SIK3: variants seen among roughly 807,000 people sequenced by gnomAD.
The protein encoded by SIK3 is SIK family kinase 3.
SIK3 carries 28 observed loss-of-function variants against 144.2 expected under a neutral mutation model. The observed-to-expected ratio is 0.19, with a 90% CI of 0.14 to 0.27. The LOEUF is 0.27. SIK3 is among the 10% of genes least tolerant of loss of function. The probability of loss-of-function intolerance (pLI) is 1.00; values close to 1 mark genes in which losing one functional copy is unlikely to be tolerated. For synonymous variants in SIK3, 686 were observed against 676.3 expected, an observed-to-expected ratio of 1.01 and a Z score of -0.22; for missense variants, 1,319 against 1,776.0, an observed-to-expected ratio of 0.74 and a Z score of 4.62.
chr11:116,944,440 C>T lies in SIK3; in HGVS notation c.454+9604G>A, dbSNP rs1440221418. On this transcript the variant is annotated intron_variant, in intron 3 of 24. Coordinates refer to ENST00000445177, the MANE Select transcript of SIK3 (RefSeq NM_001366686.3). The stretch of plus-strand genomic sequence containing the variant: ...CTTTGGGTCACGAGCATCAGTTGAC[C>T]GAGACACACAGATCAATCATGTGAG... 2.0e-5 allele frequency among the ~76,000 whole-genome samples: 3 copies of T among 147,466 alleles called. 1 individual carries two copies. The highest frequency in any genetic ancestry group is 4.5e-5 in the Non-Finnish European group (3 of 67,140).
chr11:117,030,053 G>C (rs182550879), intron 1 of SIK3, among the ~76,000 whole-genome samples: 1 of 152,262 alleles, frequency 6.6e-6, no homozygotes, highest in Non-Finnish European at 1.5e-5. Context: ...GAACAGAGTT[G>C]TAGGAGGAGA....
At position 116,846,341 on chromosome 11, in the gene SIK3, G is replaced by A; in HGVS notation, c.*13+42C>T. The A allele has an allele frequency of 1.3e-6, 2 of 1,591,870 alleles. No individual in the cohort carries two copies. Among genetic ancestry groups the A allele is most frequent in the Non-Finnish European group, 8.6e-7 (1 of 1,166,672 alleles). On this transcript the variant is annotated intron_variant, in intron 24 of 24. Transcript: ENST00000445177. The surrounding 1 kb of genome is among the most constrained non-coding windows in gnomAD (Gnocchi z 4.1). ...CCTGATGGGATTGGGAGCAGGCACTGGGCCACAGGGCTGGTTTGGCTCTGG... is the reference window on the plus strand; with the variant it reads ...CCTGATGGGATTGGGAGCAGGCACTAGGCCACAGGGCTGGTTTGGCTCTGG...
chr11:116,863,815 A>G lies in SIK3; in HGVS notation c.1956T>C (p.Ser652=), dbSNP rs749198432. Residue 652 remains serine, a synonymous_variant, in exon 16 of 25, where the codon TCT becomes TCC. Transcript: ENST00000445177. ...GCAGAGTGTTGGAGTCCTTGTAGGT[A>G]GAGCTGAATATATGGGAAGAGAAGG... ...PPHLVPDQHR[S]TYKDSNTLHL... 7.5e-6 allele frequency: 12 copies of G among 1,606,642 alleles called. No individual in the cohort carries two copies. The highest frequency in any genetic ancestry group is 1.0e-5 in the Non-Finnish European group (12 of 1,175,922).
intron 1 of SIK3, among the ~76,000 whole-genome samples, chr11:116,993,724 C>G (rs1950569966): frequency 6.6e-6 from 1 of 152,108 alleles, no homozygotes. Context: ...GCCTAGGAAA[C>G]CAAACAGTAA....
chr11:117,003,221 G>A (rs986904793), intron 1 of SIK3, among the ~76,000 whole-genome samples: 1 of 152,194 alleles, frequency 6.6e-6, no homozygotes, highest in Non-Finnish European at 1.5e-5. Context: ...ACACTACTCA[G>A]AATCTGACCG....
chr11:116,978,564 T>C (rs924339316), intron 1 of SIK3, among the ~76,000 whole-genome samples: 1 of 152,152 alleles, frequency 6.6e-6, no homozygotes, highest in Non-Finnish European at 1.5e-5. Flanking sequence ...AGTGGAGTGA[T>C]ATGAGCATAA....
At chr11:116,946,286 T>C (rs957765525) in intron 3 of SIK3, among the ~76,000 whole-genome samples, 1 of 152,212 alleles carries the variant, frequency 6.6e-6, no homozygotes, top group Non-Finnish European at 1.5e-5. Context: ...TTCTGCAAGC[T>C]AATAACTCAA....
Position 116,867,819 on chromosome 11 carries a change from T to G in SIK3, c.1952+127A>C. ...CTTACTGCAAGGAGCTGAGAAGATG[T>G]GAGTTCAGGATGACAGCTGGCTTCT... On this transcript the variant is annotated intron_variant, in intron 15 of 24. Coordinates refer to ENST00000445177, the MANE Select transcript of SIK3 (RefSeq NM_001366686.3). This position sits in a 1 kb window ranked among gnomAD's most constrained non-coding sequence, Gnocchi z 4.1. The G allele has an allele frequency of 8.2e-6, 8 of 971,632 alleles. No individual in the cohort carries two copies. Among genetic ancestry groups the G allele is most frequent in the Non-Finnish European group, 1.2e-5 (8 of 678,760 alleles). 60.2% of individuals were successfully genotyped at this position (971,632 alleles called of 1,614,324 possible).
chr11:117,093,487 C>G (rs1367625463), intron 1 of SIK3, among the ~76,000 whole-genome samples: 2 of 152,180 alleles, frequency 1.3e-5, no homozygotes, highest in Non-Finnish European at 2.9e-5. Flanking sequence ...CTTGCAGAAA[C>G]ATTTCTTAAA....
intron 1 of SIK3, among the ~76,000 whole-genome samples, chr11:117,033,550 C>CA (rs914499922): frequency 8.0e-5 from 12 of 149,300 alleles, no homozygotes; most frequent in South Asian, 2.1e-4. Context: ...AAATACAAAA[C>CA]AAAAAAAAAT....
Position 117,012,942 on chromosome 11 carries a change from C to G in SIK3, c.274-55878G>C, listed in dbSNP as rs997659882. 4.7e-5 allele frequency among the ~76,000 whole-genome samples: 7 copies of G among 147,962 alleles called. No individual in the cohort carries two copies. The South Asian group carries it at 1.5e-3, about 31-fold the overall frequency. The stretch of plus-strand genomic sequence containing the variant: ...TCTCGGCTCACTGCAAGCTCTGCCT[C>G]CCGGGTTCACACCATTATCCTGCCT... On this transcript the variant is annotated intron_variant, in intron 1 of 24. Coordinates refer to ENST00000445177, the MANE Select transcript of SIK3 (RefSeq NM_001366686.3).
At chr11:117,029,057 C>T (rs892432487) in intron 1 of SIK3, among the ~76,000 whole-genome samples, 2 of 152,044 alleles carry the variant, frequency 1.3e-5, no homozygotes, top group Non-Finnish European at 2.9e-5. Flanking sequence ...TACAGGCACC[C>T]GCCACTACGC....
chr11:116,905,583 T>C (rs915889238), intron 4 of SIK3, among the ~76,000 whole-genome samples: 1 of 152,230 alleles, frequency 6.6e-6, no homozygotes, highest in Non-Finnish European at 1.5e-5. Context: ...CGTACAAGGA[T>C]TCCAATTTCT....
chr11:117,034,892 C>T (rs1262250256), intron 1 of SIK3, among the ~76,000 whole-genome samples: 2 of 152,184 alleles, frequency 1.3e-5, no homozygotes, highest in African/African-American at 2.4e-5. Flanking sequence ...ATTCCTTTAG[C>T]TTAATTGTAA....
At chr11:116,945,800 T>G (rs1382950023) in intron 3 of SIK3, among the ~76,000 whole-genome samples, 1 of 152,170 alleles carries the variant, frequency 6.6e-6, no homozygotes, top group Non-Finnish European at 1.5e-5. Context: ...ACAAGTTAAC[T>G]GTTTCCTATC....
intron 1 of SIK3, among the ~76,000 whole-genome samples, chr11:117,081,897 G>A (rs1954806767): frequency 1.3e-5 from 2 of 152,122 alleles, no homozygotes; most frequent in South Asian, 4.1e-4. Flanking sequence ...TATCCGATAA[G>A]GGACTTGTAT....
chr11:116,875,087 T>C lies in SIK3; in HGVS notation c.1427+71A>G, dbSNP rs552098846. 24 of 1,193,336 alleles carry C rather than the reference T, an allele frequency of 2.0e-5. No homozygotes were observed. The South Asian group carries it at 2.9e-4, about 15-fold the overall frequency. 73.9% of individuals were successfully genotyped at this position (1,193,336 alleles called of 1,614,324 possible). A position where few individuals can be genotyped will look rare whatever the true frequency, so the allele number is the denominator to read the frequency against. On this transcript the variant is annotated intron_variant, in intron 11 of 24. Transcript: ENST00000445177. ...ATACAATGTAGTAGGAAATGTGCCA[T>C]GGTAGACACTGAAAGTCAGGTGACA...
chr11:117,005,100 G>A (rs1315719423), intron 1 of SIK3, among the ~76,000 whole-genome samples: 1 of 152,036 alleles, frequency 6.6e-6, no homozygotes, highest in Non-Finnish European at 1.5e-5. Flanking sequence ...TTAAAAGACT[G>A]TATCAATGAA....
At chr11:116,860,474 T>C (rs998669326) in intron 19 of SIK3, among the ~76,000 whole-genome samples, 1 of 152,142 alleles carries the variant, frequency 6.6e-6, no homozygotes, top group African/African-American at 2.4e-5. Flanking sequence ...ATTATACTTA[T>C]CTTCACTCCC....
Sources: allele counts gnomAD v4.1 joint callset (sites outside exome capture counted in the v4.1 genomes callset), GRCh38; gene constraint gnomAD v4.1.1; non-coding constraint Gnocchi (gnomAD v3.1); transcripts MANE v1.5; gene names NCBI Gene and HGNC (gene_info 2026-07-23, HGNC 2026-07-21).